The following ACTR3C variants were observed in gnomAD, a reference collection of about 807,000 sequenced individuals.
ACTR3C encodes actin-related protein 3C.
Under a neutral mutation model 26.3 loss-of-function variants are expected in ACTR3C, and 18 were observed. The observed-to-expected ratio is 0.68, with a 90% CI of 0.47 to 1.01. The LOEUF (loss-of-function observed/expected upper bound fraction) is 1.01, where lower values mean the gene tolerates loss of function less well. Among genes scored for constraint, ACTR3C ranks in the 50% least tolerant of loss-of-function variants. The pLI, the probability that ACTR3C is intolerant of heterozygous loss-of-function variation, is 0.00. For synonymous variants in ACTR3C, 55 were observed against 94.5 expected, an observed-to-expected ratio of 0.58 and a Z score of 2.42; for missense variants, 184 against 250.7, an observed-to-expected ratio of 0.73 and a Z score of 1.80.
chr7:150,142,782 G>A, the ACTR3C span, among the ~76,000 whole-genome samples: 1 of 151,786 alleles, frequency 6.6e-6, no homozygotes, highest in Non-Finnish European at 1.5e-5. Flanking sequence ...ACCCACCTCG[G>A]CCTCCCAAAG....
chr7:150,304,596 A>AC (rs1331011814), intron 1 of ACTR3C, among the ~76,000 whole-genome samples: 3 of 150,580 alleles, frequency 2.0e-5, no homozygotes, highest in African/African-American at 7.3e-5. Context: ...ACAAAACCAA[A>AC]CTCTCCTTCT....
chr7:150,284,950 C>T, intron 5 of ACTR3C, 105 bp from the exon 6 acceptor site: 1 of 1,086,110 alleles, frequency 9.2e-7, no homozygotes, highest in South Asian at 2.0e-5. Flanking sequence ...TTTATTATAA[C>T]TTAAAAGAAT....
intron 3 of ACTR3C, among the ~76,000 whole-genome samples, chr7:150,290,286 G>A (rs537059113): frequency 7.2e-5 from 11 of 152,210 alleles, no homozygotes; most frequent in Non-Finnish European, 1.5e-4. Context: ...ACCACGACCT[G>A]GGCCGATCAA....
At chr7:149,949,393 G>A in the ACTR3C span, among the ~76,000 whole-genome samples, 2 of 133,882 alleles carry the variant, frequency 1.5e-5, no homozygotes, top group African/African-American at 6.9e-5. Context: ...GAAGGAAGGA[G>A]GGAAGGAAGG....
At chr7:150,033,441 G>C in the ACTR3C span, among the ~76,000 whole-genome samples, 2 of 152,194 alleles carry the variant, frequency 1.3e-5, no homozygotes, top group Non-Finnish European at 2.9e-5. Context: ...GTTTCATGCA[G>C]ACTCTCATGC....
At chr7:149,974,693 C>T in the ACTR3C span, among the ~76,000 whole-genome samples, 2 of 152,122 alleles carry the variant, frequency 1.3e-5, no homozygotes, top group Admixed American at 6.5e-5. Flanking sequence ...GTCAAACCAA[C>T]TTTCACATAG....
chr7:150,159,790 TTTTG>T, the ACTR3C span, among the ~76,000 whole-genome samples: 5 of 151,030 alleles, frequency 3.3e-5, no homozygotes, highest in South Asian at 4.2e-4. Flanking sequence ...TCTATGGTCT[TTTTG>T]TTTGTTTGTT....
At chr7:150,038,684 C>T in the ACTR3C span, among the ~76,000 whole-genome samples, 2 of 143,046 alleles carry the variant, frequency 1.4e-5, no homozygotes, top group Non-Finnish European at 3.1e-5. Flanking sequence ...GAACTTTCTA[C>T]TTGGACACCT....
the ACTR3C span, among the ~76,000 whole-genome samples, chr7:150,176,927 A>T: frequency 6.6e-6 from 1 of 150,994 alleles, no homozygotes; most frequent in East Asian, 1.9e-4. Flanking sequence ...TTATTTGTTC[A>T]TTTTGTAGTT....
the ACTR3C span, among the ~76,000 whole-genome samples, chr7:149,927,493 C>T: frequency 2.0e-5 from 3 of 151,472 alleles, no homozygotes; most frequent in African/African-American, 7.3e-5. Context: ...CTTTGGGACG[C>T]CGAGGCAGGC....
the ACTR3C span, among the ~76,000 whole-genome samples, chr7:150,139,177 C>T: frequency 6.6e-6 from 1 of 152,250 alleles, no homozygotes; most frequent in Non-Finnish European, 1.5e-5. Flanking sequence ...TCCATGAAAC[C>T]AGTCCCTGGT....
the ACTR3C span, among the ~76,000 whole-genome samples, chr7:149,943,005 G>A: frequency 1.3e-5 from 2 of 151,960 alleles, no homozygotes; most frequent in Admixed American, 1.3e-4. Context: ...TACTGTTGGT[G>A]TCATTGGGTT....
the ACTR3C span, among the ~76,000 whole-genome samples, chr7:149,920,881 C>T: frequency 6.6e-6 from 1 of 152,014 alleles, no homozygotes; most frequent in Admixed American, 6.6e-5. Flanking sequence ...ATTCTCCTGC[C>T]TCAGCTTCCC....
At chr7:150,089,925 A>G in the ACTR3C span, among the ~76,000 whole-genome samples, 1 of 152,222 alleles carries the variant, frequency 6.6e-6, no homozygotes, top group Admixed American at 6.5e-5. Context: ...GGCCACTTCA[A>G]TGATCTCAGT....
chr7:149,919,296 A>C, the ACTR3C span, among the ~76,000 whole-genome samples: 1 of 150,586 alleles, frequency 6.6e-6, no homozygotes, highest in East Asian at 2.0e-4. Context: ...GCTGGAGTGC[A>C]GTATCATGAT....
chr7:150,290,229 C>T (rs1836129150), intron 3 of ACTR3C, among the ~76,000 whole-genome samples: 1 of 152,162 alleles, frequency 6.6e-6, no homozygotes, highest in Non-Finnish European at 1.5e-5. Flanking sequence ...CCACTGCCTC[C>T]CTAAGCCAGT....
chr7:150,287,258 A>T (rs1835857847), intron 4 of ACTR3C, among the ~76,000 whole-genome samples: 2 of 151,994 alleles, frequency 1.3e-5, no homozygotes, highest in Non-Finnish European at 2.9e-5. Flanking sequence ...TCAGAAAACA[A>T]TAAGCAACCA....
the ACTR3C span, among the ~76,000 whole-genome samples, chr7:150,162,642 A>G: frequency 5.9e-5 from 9 of 152,186 alleles, no homozygotes; most frequent in African/African-American, 2.2e-4. Flanking sequence ...AAAAACCTCA[A>G]TTACTTTTGC....
the ACTR3C span, among the ~76,000 whole-genome samples, chr7:150,103,483 C>T: frequency 6.6e-6 from 1 of 151,826 alleles, no homozygotes; most frequent in African/African-American, 2.4e-5. Flanking sequence ...CACTGCATTT[C>T]ATGGTGGGGT....
Sources: allele counts gnomAD v4.1 joint callset (sites outside exome capture counted in the v4.1 genomes callset), GRCh38; gene constraint gnomAD v4.1.1; transcripts MANE v1.5; gene names NCBI Gene and HGNC (gene_info 2026-07-23, HGNC 2026-07-21).